CNKSR2: variants seen among roughly 807,000 people sequenced by gnomAD.
CNKSR2 encodes connector enhancer of kinase suppressor of Ras 2, also known as CNK homolog protein 2.
Under a neutral mutation model 84.4 loss-of-function variants are expected in CNKSR2, and 14 were observed. That is an observed-to-expected ratio of 0.17 (90% CI 0.11 to 0.26). CNKSR2 has a LOEUF of 0.26. CNKSR2 is among the 10% of genes least tolerant of loss of function. The probability of loss-of-function intolerance (pLI) is 1.00; values close to 1 mark genes in which losing one functional copy is unlikely to be tolerated. For missense variants in CNKSR2, 485 were observed against 771.2 expected (o/e 0.63, Z 4.40); for synonymous variants, 275 against 277.9 (o/e 0.99, Z 0.10).
At chrX:21,436,426 C>T (rs1452538098) in intron 3 of CNKSR2, among the ~76,000 whole-genome samples, 1 of 111,494 alleles carries the variant, frequency 9.0e-6, no homozygotes, top group Non-Finnish European at 1.9e-5. Context: ...CTTATAGGGT[C>T]TTAAACTTTT....
intron 1 of CNKSR2, chrX:21,421,840 A>C (rs1024330311): frequency 9.1e-6 from 1 of 110,072 alleles, no homozygotes; most frequent in Admixed American, 9.7e-5. Context: ...AGGGCCTTGA[A>C]AAGAAGGCAA....
intron 1 of CNKSR2, among the ~76,000 whole-genome samples, chrX:21,404,261 G>C (rs775140476): frequency 3.6e-5 from 4 of 111,277 alleles, no homozygotes; most frequent in Non-Finnish European, 5.7e-5. Flanking sequence ...TCAGAAGCTA[G>C]GGTTTATGTG....
chrX:21,448,978 CA>C (rs2147100537), intron 4 of CNKSR2, among the ~76,000 whole-genome samples: 1 of 111,577 alleles, frequency 9.0e-6, no homozygotes, highest in South Asian at 3.8e-4. Context: ...GAGCACAAAT[CA>C]AACTTATAAA....
At chrX:21,398,738 A>T (rs1207519279) in intron 1 of CNKSR2, among the ~76,000 whole-genome samples, 1 of 111,902 alleles carries the variant, frequency 8.9e-6, no homozygotes, top group East Asian at 2.8e-4. Flanking sequence ...TCAAATGCCT[A>T]ACTCCTTGGA....
intron 1 of CNKSR2, among the ~76,000 whole-genome samples, chrX:21,410,075 TATC>T (rs1444333095): frequency 9.2e-6 from 1 of 108,745 alleles, no homozygotes; most frequent in Non-Finnish European, 1.9e-5. Context: ...TATAACCAAT[TATC>T]ATTATTGTCC....
intron 3 of CNKSR2, among the ~76,000 whole-genome samples, chrX:21,434,809 A>C (rs1463284865): frequency 9.1e-6 from 1 of 109,779 alleles, no homozygotes; most frequent in Admixed American, 1.0e-4. Context: ...ATAGGTTAAA[A>C]AAAATCTTTA....
At chrX:21,553,366 A>G (rs1210382720) in intron 11 of CNKSR2, among the ~76,000 whole-genome samples, 1 of 110,651 alleles carries the variant, frequency 9.0e-6, no homozygotes, top group Admixed American at 9.6e-5. Context: ...TTTTCACTGA[A>G]TATCTGTGAA....
chrX:21,442,993 A>C (rs767682188), intron 4 of CNKSR2, among the ~76,000 whole-genome samples: 1 of 109,725 alleles, frequency 9.1e-6, no homozygotes, highest in Non-Finnish European at 1.9e-5. Flanking sequence ...ACTGGGGCCT[A>C]CTCGAGGGTG....
At chrX:21,632,172 G>A (rs934177826) in intron 20 of CNKSR2, among the ~76,000 whole-genome samples, 1 of 111,553 alleles carries the variant, frequency 9.0e-6, no homozygotes, top group Non-Finnish European at 1.9e-5. Context: ...ACAACCTGAG[G>A]TAAAGTACCA....
chrX:21,405,825 A>G (rs2090254873), intron 1 of CNKSR2, among the ~76,000 whole-genome samples: 2 of 111,273 alleles, frequency 1.8e-5, no homozygotes, highest in Admixed American at 1.9e-4. Flanking sequence ...CAAATTTGTA[A>G]TTAAGTTTTA....
intron 16 of CNKSR2, 57 bp from the exon 17 acceptor site, chrX:21,595,267 A>T (rs1200112785): frequency 4.3e-6 from 4 of 929,017 alleles, no homozygotes; most frequent in Non-Finnish European, 6.2e-6. Context: ...CGTCAGAATT[A>T]TTTGGTTCAA....
At chrX:21,414,299 C>T in intron 1 of CNKSR2, among the ~76,000 whole-genome samples, 1 of 111,269 alleles carries the variant, frequency 9.0e-6, no homozygotes, top group African/African-American at 3.3e-5. Context: ...TGTAGTTTTT[C>T]TTTGCATTTC....
chrX:21,426,680 G>C lies in CNKSR2; in HGVS notation c.228+20G>C. 8.6e-7 allele frequency: 1 copy of C among 1,164,187 alleles called. No homozygotes were observed. The highest frequency in any genetic ancestry group is 3.3e-5 in the East Asian group (1 of 30,661). ...GCATTGGTAAGGACATAAAACTGGT[G>C]AAGAGGGAAACTTCTCTTTTTCTTC... On this transcript the variant is annotated intron_variant, in intron 2 of 21. Transcript: ENST00000379510.
intron 20 of CNKSR2, among the ~76,000 whole-genome samples, chrX:21,628,738 C>T (rs919308834): frequency 2.7e-5 from 3 of 111,228 alleles, no homozygotes; most frequent in Non-Finnish European, 3.8e-5. Context: ...GGGCCCAGCC[C>T]ACGAAACCAC....
At chrX:21,477,283 T>C (rs2091269876) in intron 5 of CNKSR2, among the ~76,000 whole-genome samples, 1 of 112,281 alleles carries the variant, frequency 8.9e-6, no homozygotes, top group South Asian at 3.7e-4. Flanking sequence ...ACCCCATTGC[T>C]TTTGTAAAGA....
intron 11 of CNKSR2, among the ~76,000 whole-genome samples, chrX:21,535,517 T>G (rs1252867016): frequency 9.0e-6 from 1 of 111,666 alleles, no homozygotes; most frequent in Non-Finnish European, 1.9e-5. Context: ...AAATGTGATG[T>G]CTTTCCATTT....
At chrX:21,483,593 A>AATATAT (rs10592013) in intron 5 of CNKSR2, among the ~76,000 whole-genome samples, 1,404 of 98,690 alleles carry the variant, frequency 0.014, 10 homozygotes, top group Middle Eastern at 0.025. Flanking sequence ...AGTATAATAA[A>AATATAT]ATATATATAT....
At chrX:21,469,563 T>C (rs1380197781) in intron 4 of CNKSR2, among the ~76,000 whole-genome samples, 1 of 110,102 alleles carries the variant, frequency 9.1e-6, no homozygotes, top group Non-Finnish European at 1.9e-5. Context: ...TTTTTCAAAA[T>C]TATCCAAATA....
At chrX:21,491,937 T>C (rs1313162880) in intron 6 of CNKSR2, 1 of 111,031 alleles carries the variant, frequency 9.0e-6, no homozygotes, top group East Asian at 2.8e-4. Context: ...AATACAACAT[T>C]GTATTAAACT....
Sources: gnomAD v4.1 joint callset for allele counts (sites outside exome capture counted in the v4.1 genomes callset) on GRCh38, gnomAD v4.1.1 for gene constraint, MANE v1.5 for transcripts, NCBI Gene and HGNC (gene_info 2026-07-23, HGNC 2026-07-21) for gene names.